ARHGEF10L: variants seen among roughly 807,000 people sequenced by gnomAD.
The protein encoded by ARHGEF10L is rho guanine nucleotide exchange factor 10-like protein.
ARHGEF10L carries 69 observed loss-of-function variants against 141.2 expected under a neutral mutation model. The observed-to-expected ratio is 0.49, with a 90% CI of 0.40 to 0.60. The LOEUF is 0.60. Ranked by LOEUF, ARHGEF10L falls within the 20% of genes least tolerant of loss-of-function variation. The pLI is 0.00. For missense variants in ARHGEF10L, 1,482 were observed against 1,734.3 expected (o/e 0.85, Z 2.58); for synonymous variants, 711 against 718.5 (o/e 0.99, Z 0.17).
At chr1:17,608,135 C>T (rs565999344) in intron 7 of ARHGEF10L, among the ~76,000 whole-genome samples, 158 bp downstream of exon 7, 2 of 152,234 alleles carry the variant, frequency 1.3e-5, no homozygotes, top group Non-Finnish European at 2.9e-5. Flanking sequence ...AGCCAGAAGC[C>T]CAGGTCATCC....
intron 1 of ARHGEF10L, among the ~76,000 whole-genome samples, chr1:17,562,866 G>C (rs969240060): frequency 6.6e-6 from 1 of 152,180 alleles, no homozygotes; most frequent in Non-Finnish European, 1.5e-5. Flanking sequence ...GCAGTGGCAA[G>C]CTGGGGCACA....
At chr1:17,548,711 T>C (rs1002029897) in intron 1 of ARHGEF10L, among the ~76,000 whole-genome samples, 13 of 144,450 alleles carry the variant, frequency 9.0e-5, no homozygotes, top group African/African-American at 2.6e-4. Context: ...TGGAGTGCAA[T>C]GGTCTTGGCT....
At chr1:17,566,866 G>A (rs977726384) in intron 1 of ARHGEF10L, among the ~76,000 whole-genome samples, 4 of 152,218 alleles carry the variant, frequency 2.6e-5, no homozygotes, top group African/African-American at 4.8e-5. Context: ...GCAAGGGGGG[G>A]TTGTTGGATG....
intron 22 of ARHGEF10L, among the ~76,000 whole-genome samples, chr1:17,653,314 C>T (rs1488930210): frequency 1.3e-5 from 2 of 152,234 alleles, no homozygotes; most frequent in Non-Finnish European, 2.9e-5. Context: ...GGTGCCTTGA[C>T]TTCCCAGTTT....
intron 26 of ARHGEF10L, among the ~76,000 whole-genome samples, chr1:17,668,802 G>A (rs893648348): frequency 4.0e-5 from 6 of 150,464 alleles, no homozygotes; most frequent in East Asian, 2.0e-4. Context: ...ATCGCTATGC[G>A]TATTTAATAA....
Position 17,587,545 on chromosome 1 carries a change from T to C in ARHGEF10L, c.123T>C (p.Asp41=), listed in dbSNP as rs781084202. The change falls in exon 3 of 29, where the codon GAT becomes GAC. Residue 41 remains aspartate (D), a synonymous_variant. Transcript: ENST00000361221. ...PGEAFEFDDS[D]DEEDTSAALG... is the part of the protein sequence containing the mutation. ...AGGCGTTTGAGTTTGATGACAGTGA[T>C]GATGAAGAGGACACCAGCGCAGCCC... 5 of 1,614,044 alleles carry C rather than the reference T, an allele frequency of 3.1e-6. No individual in the cohort carries two copies. In the South Asian group the frequency reaches 3.3e-5, roughly 11 times the overall value.
intron 25 of ARHGEF10L, among the ~76,000 whole-genome samples, chr1:17,662,430 G>A (rs1375939394): frequency 6.6e-6 from 1 of 152,208 alleles, no homozygotes; most frequent in African/African-American, 2.4e-5. Context: ...CCCCGTCCAA[G>A]TTCACACAGA....
At chr1:17,589,486 C>G (rs2079345214) in intron 4 of ARHGEF10L, among the ~76,000 whole-genome samples, 1 of 152,178 alleles carries the variant, frequency 6.6e-6, no homozygotes, top group African/African-American at 2.4e-5. Flanking sequence ...CCAAACTGAG[C>G]AAGAGGGGCT....
In ARHGEF10L at chr1:17,656,171, G is replaced by A; in HGVS notation, c.2705+69G>A. 1 of 1,483,496 alleles carries A rather than the reference G, an allele frequency of 6.7e-7. No individual in the cohort carries two copies. The highest frequency in any genetic ancestry group is 9.1e-7 in the Non-Finnish European group (1 of 1,096,356). 91.9% of individuals were successfully genotyped at this position (1,483,496 alleles called of 1,614,324 possible). A position where few individuals can be genotyped will look rare whatever the true frequency, so the allele number is the denominator to read the frequency against. On this transcript the variant is annotated intron_variant, in intron 24 of 28. Coordinates refer to ENST00000361221, the MANE Select transcript of ARHGEF10L (RefSeq NM_018125.4). This position sits in a 1 kb window ranked among gnomAD's most constrained non-coding sequence, Gnocchi z 4.9. ...TGGGCAGTGGGTGGGGGCTGTCCCT[G>A]TAGCCTTCCGGATCTGCCTGTTGCC...
At chr1:17,647,509 C>T (rs999554315) in intron 21 of ARHGEF10L, among the ~76,000 whole-genome samples, 3 of 152,164 alleles carry the variant, frequency 2.0e-5, no homozygotes, top group African/African-American at 7.2e-5. Flanking sequence ...TTCTTCAGGA[C>T]AGACGGTGGT....
intron 26 of ARHGEF10L, among the ~76,000 whole-genome samples, chr1:17,680,156 C>A (rs538992455): frequency 4.6e-5 from 7 of 152,144 alleles, no homozygotes; most frequent in Non-Finnish European, 1.0e-4. Context: ...ATAGAGTCTC[C>A]GTGAGGTGGG....
intron 4 of ARHGEF10L, among the ~76,000 whole-genome samples, chr1:17,598,550 C>CT (rs1309814328): frequency 6.6e-6 from 1 of 152,150 alleles, no homozygotes; most frequent in Non-Finnish European, 1.5e-5. Flanking sequence ...GAGGAGCTCT[C>CT]TAGGGCCTCT....
chr1:17,553,106 G>A (rs570808174), intron 1 of ARHGEF10L, among the ~76,000 whole-genome samples: 153 of 152,292 alleles, frequency 1.0e-3, no homozygotes, highest in Non-Finnish European at 1.5e-3. Flanking sequence ...GGCAGACCCG[G>A]GACCAGAACC....
rs190595347 is a variant in ARHGEF10L at position 17,633,370 on chromosome 1, A to G, written c.1730+904A>G. Among the ~76,000 whole-genome samples, 37 of 152,200 alleles carry G rather than the reference A, an allele frequency of 2.4e-4. No homozygotes were observed. The East Asian group carries it at 6.6e-3, about 27-fold the overall frequency. Reference sequence around the variant, plus strand: ...TTATTTTATTATTTTTTGAGATGGAATCTTGCTCTGTCTCCCAGGCTGGAG... The same window carrying G: ...TTATTTTATTATTTTTTGAGATGGAGTCTTGCTCTGTCTCCCAGGCTGGAG... On this transcript the variant is annotated intron_variant, in intron 16 of 28. Coordinates refer to ENST00000361221, the MANE Select transcript of ARHGEF10L (RefSeq NM_018125.4).
chr1:17,618,522 G>A, intron 9 of ARHGEF10L: 4 of 1,428,208 alleles, frequency 2.8e-6, no homozygotes, highest in Non-Finnish European at 3.7e-6. Context: ...CTCCTGCTCA[G>A]GTAAGGGCCT....
chr1:17,683,491 G>A (rs1343109542), intron 26 of ARHGEF10L, among the ~76,000 whole-genome samples: 4 of 152,272 alleles, frequency 2.6e-5, no homozygotes, highest in African/African-American at 7.2e-5. Context: ...TCTGGGACCC[G>A]TGATCCTGGC....
intron 1 of ARHGEF10L, among the ~76,000 whole-genome samples, chr1:17,555,030 T>C (rs2077255077): frequency 6.6e-6 from 1 of 152,194 alleles, no homozygotes; most frequent in Non-Finnish European, 1.5e-5. Context: ...GTGTTGCCAA[T>C]ATGGGTAGAC....
In ARHGEF10L at chr1:17,623,157, G is replaced by A. The variant is rs369318299; in HGVS notation, c.1182G>A (p.Gly394=). ...AGTGGGATTCCACCGAGAAGATCGGGGACCTCTTCGTGGCCTCGGTAAGTG... is the reference window on the plus strand; with the variant it reads ...AGTGGGATTCCACCGAGAAGATCGGAGACCTCTTCGTGGCCTCGGTAAGTG... ...VAEWDSTEKI[G]DLFVASFSKS... Residue 394 remains glycine, a synonymous_variant, in exon 12 of 29, where the codon GGG becomes GGA. Transcript: ENST00000361221. This position sits in a 1 kb window ranked among gnomAD's most constrained non-coding sequence, Gnocchi z 4.7. 21 of 1,612,770 alleles carry A rather than the reference G, an allele frequency of 1.3e-5. No individual in the cohort carries two copies. The highest frequency in any genetic ancestry group is 1.8e-5 in the Non-Finnish European group (21 of 1,179,620).
At position 17,619,560 on chromosome 1, in the gene ARHGEF10L, G is replaced by A. The variant is rs1453638049; in HGVS notation, c.942+115G>A. ...ATCTCACAGGGGATATGATGACTGGGGGCTCTTGGCAGAGCCCAGCTGGAT... is the reference window on the plus strand; with the variant it reads ...ATCTCACAGGGGATATGATGACTGGAGGCTCTTGGCAGAGCCCAGCTGGAT... On this transcript the variant is annotated intron_variant, in intron 10 of 28. Coordinates refer to ENST00000361221, the MANE Select transcript of ARHGEF10L (RefSeq NM_018125.4). The surrounding 1 kb of genome is among the most constrained non-coding windows in gnomAD (Gnocchi z 5.0). 1.2e-6 allele frequency: 1 copy of A among 856,896 alleles called. No individual in the cohort carries two copies. Among genetic ancestry groups the A allele is most frequent in the East Asian group, 2.8e-5 (1 of 35,934 alleles). The allele number at this position is 856,896 out of a possible 1,614,324, so 53.1% of individuals were successfully genotyped here.
Sources: allele counts gnomAD v4.1 joint callset (sites outside exome capture counted in the v4.1 genomes callset), GRCh38; gene constraint gnomAD v4.1.1; non-coding constraint Gnocchi (gnomAD v3.1); transcripts MANE v1.5; gene names NCBI Gene and HGNC (gene_info 2026-07-23, HGNC 2026-07-21).